NAV1: variants seen among roughly 807,000 people sequenced by gnomAD.
The protein encoded by NAV1 is pore membrane and/or filament interacting like protein 3.
Under a neutral mutation model 175.2 loss-of-function variants are expected in NAV1, and 18 were observed. The ratio of observed to expected loss-of-function variants is 0.10; its 90% CI spans 0.07 to 0.15. The LOEUF is 0.15. Among genes scored for constraint, NAV1 ranks in the 10% least tolerant of loss-of-function variants. The probability of loss-of-function intolerance (pLI) is 1.00; values close to 1 mark genes in which losing one functional copy is unlikely to be tolerated. For synonymous variants in NAV1, 897 were observed against 978.7 expected (o/e 0.92, Z 1.56); for missense variants, 1,731 against 2,436.6 (o/e 0.71, Z 6.10).
chr1:201,720,301 G>T (rs1672327716), intron 3 of NAV1, among the ~76,000 whole-genome samples: 1 of 152,218 alleles, frequency 6.6e-6, no homozygotes, highest in African/African-American at 2.4e-5. Context: ...GCCCTGCGGG[G>T]CTGAGTCTTT....
At chr1:201,780,106 T>G (rs650596) in intron 3 of NAV1, among the ~76,000 whole-genome samples, 68,807 of 151,992 alleles carry the variant, frequency 0.45, 15,716 homozygotes, top group African/African-American at 0.5. Flanking sequence ...ACAGGGAGAG[T>G]AAATTGGTTT....
chr1:201,766,331 A>G (rs928671937), intron 3 of NAV1, among the ~76,000 whole-genome samples: 9 of 152,128 alleles, frequency 5.9e-5, no homozygotes, highest in African/African-American at 1.7e-4. Flanking sequence ...AACCACAGAC[A>G]TGTAATGAAG....
chr1:201,708,727 C>A (rs1050211498), intron 1 of NAV1, among the ~76,000 whole-genome samples: 2 of 152,098 alleles, frequency 1.3e-5, no homozygotes, highest in Admixed American at 6.5e-5. Context: ...GATGGGCTAC[C>A]AAGACTCCCT....
intron 17 of NAV1, among the ~76,000 whole-genome samples, chr1:201,805,409 T>G (rs1167323651): frequency 6.6e-6 from 1 of 152,004 alleles, no homozygotes; most frequent in African/African-American, 2.4e-5. Flanking sequence ...GCAATTGTGA[T>G]GGGTAGAGAG....
exon 5 of NAV1, chr1:201,781,119 G>A: frequency 6.8e-6 from 11 of 1,614,224 alleles, no homozygotes; most frequent in African/African-American, 2.7e-5. Flanking sequence ...GTGGTAGCCT[G>A]AAGATGGAAC....
At chr1:201,758,505 G>GGTTTGTGTTTT (rs2102625090) in intron 3 of NAV1, among the ~76,000 whole-genome samples, 1 of 152,284 alleles carries the variant, frequency 6.6e-6, no homozygotes, top group African/African-American at 2.4e-5. Flanking sequence ...TTGGTTTGCA[G>GGTTTGTGTTTT]GCTTTTTGAG....
chr1:201,778,266 T>C (rs1676086191), intron 3 of NAV1, among the ~76,000 whole-genome samples: 1 of 152,212 alleles, frequency 6.6e-6, no homozygotes, highest in Non-Finnish European at 1.5e-5. Flanking sequence ...AGGTTTCTTT[T>C]GGATTTCTGA....
chr1:201,799,358 G>A (rs1324509712), intron 15 of NAV1, among the ~76,000 whole-genome samples: 1 of 152,200 alleles, frequency 6.6e-6, no homozygotes, highest in African/African-American at 2.4e-5. Context: ...CTCAGTTCAT[G>A]TTGATCCAGG....
At chr1:201,821,206 TG>T (rs1287933889) in exon 30 of NAV1, 1 of 152,650 alleles carries the variant, frequency 6.6e-6, no homozygotes, top group African/African-American at 2.4e-5. Flanking sequence ...GTGGCCAGTT[TG>T]GCCTTTCACT....
exon 30 of NAV1, chr1:201,825,606 G>C (rs919079716): frequency 1.3e-5 from 2 of 152,348 alleles, no homozygotes; most frequent in African/African-American, 4.8e-5. Flanking sequence ...GCAGGACCTG[G>C]ATACAGAAGT....
intron 1 of NAV1, chr1:201,673,468 T>G (rs1670126802): frequency 6.6e-6 from 1 of 152,166 alleles, no homozygotes; most frequent in Admixed American, 6.5e-5. Flanking sequence ...AAAATGAAAA[T>G]TGACCTCACA....
intron 2 of NAV1, among the ~76,000 whole-genome samples, chr1:201,593,522 G>A (rs1025298743): frequency 6.6e-6 from 1 of 152,228 alleles, no homozygotes; most frequent in Non-Finnish European, 1.5e-5. Flanking sequence ...GAGGATTGCA[G>A]AATCTAATCC....
At chr1:201,819,927 C>A (rs1411991995) in exon 30 of NAV1, 3 of 1,614,158 alleles carry the variant, frequency 1.9e-6, no homozygotes. Context: ...TCAGGCAACA[C>A]TTTAAGGGTT....
chr1:201,712,736 G>A, intron 1 of NAV1, 81 bp from the exon 6 acceptor site: 1 of 970,118 alleles, frequency 1.0e-6, no homozygotes, highest in Non-Finnish European at 1.7e-6. Flanking sequence ...TGGGGACACT[G>A]TCAATCTCCA....
At chr1:201,806,347 T>C (rs1427905437) in intron 17 of NAV1, among the ~76,000 whole-genome samples, 1 of 152,174 alleles carries the variant, frequency 6.6e-6, no homozygotes, top group East Asian at 1.9e-4. Flanking sequence ...GCAAATAATC[T>C]TGTTTCATTT....
At chr1:201,582,051 G>A (rs1268991171) in intron 1 of NAV1, among the ~76,000 whole-genome samples, 11 of 152,246 alleles carry the variant, frequency 7.2e-5, no homozygotes, top group South Asian at 4.2e-4. Flanking sequence ...AGCTGAGATC[G>A]CGCCACTGCA....
chr1:201,637,297 C>T (rs1668639744), intron 2 of NAV1, among the ~76,000 whole-genome samples: 1 of 152,158 alleles, frequency 6.6e-6, no homozygotes, highest in Non-Finnish European at 1.5e-5. Flanking sequence ...GTTGTCTTTA[C>T]TTTTTTAGAG....
chr1:201,794,573 C>T (rs1233583643), exon 15 of NAV1: 1 of 1,612,744 alleles, frequency 6.2e-7, no homozygotes. Flanking sequence ...AAACCACACC[C>T]AAAGGTAGGA....
chr1:201,604,756 GAGAAAT>G (rs1667628318), intron 2 of NAV1, among the ~76,000 whole-genome samples: 3 of 149,724 alleles, frequency 2.0e-5, no homozygotes, highest in Non-Finnish European at 4.4e-5. Flanking sequence ...GAGAGAGAGA[GAGAAAT>G]AAAGGAAAAG....
Sources: gnomAD v4.1 joint callset for allele counts (sites outside exome capture counted in the v4.1 genomes callset) on GRCh38, gnomAD v4.1.1 for gene constraint, MANE v1.5 for transcripts, NCBI Gene and HGNC (gene_info 2026-07-23, HGNC 2026-07-21) for gene names.